Variants in AGTPBP1 observed in about 807,000 individuals in gnomAD.
AGTPBP1 encodes ATP/GTP binding carboxypeptidase 1.
AGTPBP1 carries 70 observed loss-of-function variants against 143.9 expected under a neutral mutation model. The ratio of observed to expected loss-of-function variants is 0.49; its 90% CI spans 0.40 to 0.59. AGTPBP1 has a LOEUF of 0.59. AGTPBP1 is among the 20% of genes least tolerant of loss of function. The pLI is 0.00. For synonymous variants in AGTPBP1, 463 were observed against 500.2 expected (o/e 0.93, Z 0.99); for missense variants, 1,229 against 1,464.5 (o/e 0.84, Z 2.62).
At chr9:85,711,365 G>A (rs1380034981) in intron 2 of AGTPBP1, among the ~76,000 whole-genome samples, 1 of 151,640 alleles carries the variant, frequency 6.6e-6, no homozygotes, top group Non-Finnish European at 1.5e-5. Context: ...ACAATTTCTT[G>A]ATATTTAAGA....
chr9:85,596,847 A>C (rs1262347073), intron 17 of AGTPBP1, among the ~76,000 whole-genome samples: 1 of 152,182 alleles, frequency 6.6e-6, no homozygotes, highest in East Asian at 1.9e-4. Context: ...AAACACCACC[A>C]AAATGGCATC....
chr9:85,628,445 A>G (rs1483167386), intron 14 of AGTPBP1, among the ~76,000 whole-genome samples: 1 of 152,206 alleles, frequency 6.6e-6, no homozygotes, highest in Non-Finnish European at 1.5e-5. Flanking sequence ...CCATCATACA[A>G]TTATATGATG....
At chr9:85,689,925 A>AAAATATATATATATAT (rs58719163) in intron 3 of AGTPBP1, among the ~76,000 whole-genome samples, 4 of 72,498 alleles carry the variant, frequency 5.5e-5, no homozygotes, top group African/African-American at 2.8e-4. Flanking sequence ...AAAAAAAAAA[A>AAAATATATATATATAT]ATATATATAT....
chr9:85,706,046 A>G (rs116414414), intron 2 of AGTPBP1, among the ~76,000 whole-genome samples: 1,658 of 152,044 alleles, frequency 0.011, 29 homozygotes, highest in African/African-American at 0.037. Context: ...ATAGACTATG[A>G]TAAGTATACT....
At chr9:85,762,588 A>G in the AGTPBP1 span, among the ~76,000 whole-genome samples, 4 of 134,910 alleles carry the variant, frequency 3.0e-5, no homozygotes, top group Admixed American at 8.0e-5. Context: ...ACTTGGACAC[A>G]GGAAGGGGAA....
chr9:85,803,178 T>G, the AGTPBP1 span, among the ~76,000 whole-genome samples: 4 of 152,202 alleles, frequency 2.6e-5, no homozygotes, highest in Admixed American at 2.6e-4. Context: ...TAGACTAACC[T>G]TGACCAGAAA....
At chr9:85,633,558 C>T (rs1454024376) in intron 13 of AGTPBP1, among the ~76,000 whole-genome samples, 184 bp from the exon 14 acceptor site, 2 of 152,134 alleles carry the variant, frequency 1.3e-5, no homozygotes, top group African/African-American at 2.4e-5. Context: ...TTCATAACAA[C>T]TACTTTACTT....
At chr9:85,614,088 T>C (rs558002744) in intron 17 of AGTPBP1, among the ~76,000 whole-genome samples, 1 of 152,148 alleles carries the variant, frequency 6.6e-6, no homozygotes, top group South Asian at 2.1e-4. Flanking sequence ...TAGAAAAATA[T>C]GTATCTCAAA....
the AGTPBP1 span, among the ~76,000 whole-genome samples, chr9:85,798,390 G>A: frequency 6.8e-5 from 10 of 147,918 alleles, no homozygotes; most frequent in South Asian, 2.1e-4. Context: ...TTTTTGAGAC[G>A]GAGTTTCGCT....
chr9:85,743,783 C>G (rs745607583), upstream of AGTPBP1, among the ~76,000 whole-genome samples: 5 of 152,330 alleles, frequency 3.3e-5, no homozygotes, highest in Middle Eastern at 0.01. Context: ...TCCACCAACA[C>G]TGGCACAGCC....
the AGTPBP1 span, among the ~76,000 whole-genome samples, chr9:85,758,357 AG>A: frequency 6.6e-6 from 1 of 152,138 alleles, no homozygotes; most frequent in Non-Finnish European, 1.5e-5. Context: ...AAAGGGTTGG[AG>A]GATAGGCAGG....
At chr9:85,766,141 A>C in the AGTPBP1 span, among the ~76,000 whole-genome samples, 7 of 150,134 alleles carry the variant, frequency 4.7e-5, no homozygotes, top group South Asian at 2.1e-4. Flanking sequence ...AAAAAAAAAA[A>C]CCCAAAGTAT....
chr9:85,646,498 TA>T, intron 11 of AGTPBP1, 80 bp from the exon 12 acceptor site: 1 of 948,444 alleles, frequency 1.1e-6, no homozygotes, highest in South Asian at 1.4e-5. Context: ...ATGTGACTTA[TA>T]TAAAGTATTT....
chr9:85,701,861 G>A (rs1295119341), intron 2 of AGTPBP1, among the ~76,000 whole-genome samples: 1 of 152,162 alleles, frequency 6.6e-6, no homozygotes, highest in East Asian at 1.9e-4. Context: ...AAAGGTTAGT[G>A]TCTGCTTTCA....
At chr9:85,647,334 TG>T (rs1832880517) in intron 11 of AGTPBP1, among the ~76,000 whole-genome samples, 1 of 152,216 alleles carries the variant, frequency 6.6e-6, no homozygotes, top group Admixed American at 6.5e-5. Flanking sequence ...CAATCTGGGT[TG>T]TATGTGGCCC....
At chr9:85,781,327 G>A in the AGTPBP1 span, 1 of 1,566,178 alleles carries the variant, frequency 6.4e-7, no homozygotes, top group Non-Finnish European at 8.6e-7. Flanking sequence ...TAAGGAACTG[G>A]TAGGGGAAGC....
intron 3 of AGTPBP1, among the ~76,000 whole-genome samples, chr9:85,691,154 G>C (rs1835848131): frequency 1.3e-5 from 2 of 152,214 alleles, no homozygotes; most frequent in South Asian, 4.1e-4. Flanking sequence ...AGTTGCCTTA[G>C]TTGATAAGTA....
chr9:85,674,631 C>T (rs1226173790), intron 6 of AGTPBP1, among the ~76,000 whole-genome samples: 1 of 152,052 alleles, frequency 6.6e-6, no homozygotes, highest in Admixed American at 6.5e-5. Flanking sequence ...AGACAGCTAA[C>T]ATATTCCTTA....
intron 25 of AGTPBP1, among the ~76,000 whole-genome samples, chr9:85,567,406 C>G (rs118152044): frequency 1.3e-5 from 2 of 152,078 alleles, no homozygotes; most frequent in Non-Finnish European, 2.9e-5. Flanking sequence ...GCCTGGCCTA[C>G]ATGGTGAAGC....
Sources: allele counts gnomAD v4.1 joint callset (sites outside exome capture counted in the v4.1 genomes callset), GRCh38; gene constraint gnomAD v4.1.1; transcripts MANE v1.5; gene names NCBI Gene and HGNC (gene_info 2026-07-23, HGNC 2026-07-21).